Variants in CNTNAP2 observed in about 807,000 individuals in gnomAD.
CNTNAP2 encodes contactin-associated protein-like 2.
Under a neutral mutation model 155.2 loss-of-function variants are expected in CNTNAP2, and 98 were observed. The ratio of observed to expected loss-of-function variants is 0.63; its 90% confidence interval spans 0.54 to 0.75. CNTNAP2 has a LOEUF of 0.75. Ranked by LOEUF, CNTNAP2 falls within the 30% of genes least tolerant of loss-of-function variation. The probability of loss-of-function intolerance (pLI) is 0.00; values close to 1 mark genes in which losing one functional copy is unlikely to be tolerated. For synonymous variants in CNTNAP2, 651 were observed against 631.2 expected (o/e 1.03, Z -0.47); for missense variants, 1,727 against 1,688.1 (o/e 1.02, Z -0.40).
intron 1 of CNTNAP2, among the ~76,000 whole-genome samples, chr7:146,419,111 G>A (rs1546794): frequency 0.036 from 5,404 of 152,070 alleles, 343 homozygotes; most frequent in African/African-American, 0.12. Context: ...AAGAGGTTCG[G>A]TGGACTCAGG....
intron 8 of CNTNAP2, among the ~76,000 whole-genome samples, chr7:147,187,553 C>T (rs1802592025): frequency 6.6e-6 from 1 of 152,018 alleles, no homozygotes; most frequent in Non-Finnish European, 1.5e-5. Flanking sequence ...TAAGTGGGAA[C>T]TAAACATTGG....
chr7:148,099,421 T>TTGTGTGTGTGTGTG (rs35957905), intron 15 of CNTNAP2, among the ~76,000 whole-genome samples: 1,586 of 141,012 alleles, frequency 0.011, 45 homozygotes, highest in East Asian at 0.042. Flanking sequence ...AGCATTGCAA[T>TTGTGTGTGTGTGTG]TGTGTGTGTG....
At chr7:148,382,597 G>T (rs1322035653) in intron 21 of CNTNAP2, among the ~76,000 whole-genome samples, 12 of 152,218 alleles carry the variant, frequency 7.9e-5, no homozygotes, top group Non-Finnish European at 1.5e-4. Context: ...AGAGATGCTG[G>T]AGAAGAACAA....
At chr7:147,268,293 C>A (rs1012872354) in intron 8 of CNTNAP2, among the ~76,000 whole-genome samples, 1 of 152,058 alleles carries the variant, frequency 6.6e-6, no homozygotes, top group African/African-American at 2.4e-5. Context: ...CAGATAATGA[C>A]CAAATTTATA....
At chr7:147,882,950 G>C (rs560406697) in intron 13 of CNTNAP2, among the ~76,000 whole-genome samples, 4 of 152,116 alleles carry the variant, frequency 2.6e-5, no homozygotes, top group African/African-American at 9.7e-5. Flanking sequence ...TTTAAGATTC[G>C]CCTGCTTTTG....
chr7:147,022,540 T>A (rs988363544), intron 3 of CNTNAP2, among the ~76,000 whole-genome samples: 8 of 151,958 alleles, frequency 5.3e-5, no homozygotes, highest in Non-Finnish European at 8.8e-5. Flanking sequence ...GTACTATATA[T>A]GTGTTTATGT....
intron 21 of CNTNAP2, among the ~76,000 whole-genome samples, chr7:148,356,484 C>T (rs1441450499): frequency 6.6e-6 from 1 of 152,218 alleles, no homozygotes; most frequent in South Asian, 2.1e-4. Context: ...GCTCCTGCTC[C>T]TGAGAGCTGG....
At chr7:147,720,861 C>T (rs1796557292) in intron 13 of CNTNAP2, among the ~76,000 whole-genome samples, 1 of 152,024 alleles carries the variant, frequency 6.6e-6, no homozygotes, top group African/African-American at 2.4e-5. Flanking sequence ...GAAAAAAAGA[C>T]TAATACCCTG....
At chr7:147,167,759 C>T (rs1319727496) in intron 8 of CNTNAP2, among the ~76,000 whole-genome samples, 2 of 152,002 alleles carry the variant, frequency 1.3e-5, no homozygotes, top group Non-Finnish European at 1.5e-5. Flanking sequence ...TGAAAAATAC[C>T]TTCATTGTTT....
At chr7:147,015,109 T>C (rs1219121237) in intron 3 of CNTNAP2, among the ~76,000 whole-genome samples, 3 of 152,050 alleles carry the variant, frequency 2.0e-5, no homozygotes, top group African/African-American at 7.2e-5. Context: ...TTTTTCTTTT[T>C]TCCCTCAGAG....
intron 13 of CNTNAP2, among the ~76,000 whole-genome samples, chr7:147,723,332 TATTG>T (rs916770317): frequency 2.2e-4 from 33 of 152,130 alleles, no homozygotes; most frequent in East Asian, 1.9e-3. Context: ...GCCAAATTAA[TATTG>T]ATTCAAAGAA....
intron 9 of CNTNAP2, among the ~76,000 whole-genome samples, chr7:147,308,407 C>G (rs1393551042): frequency 1.3e-5 from 2 of 152,062 alleles, no homozygotes; most frequent in African/African-American, 4.8e-5. Context: ...TGCAGTAATC[C>G]AGATGAAAGA....
At chr7:148,225,121 A>C (rs544697802) in intron 19 of CNTNAP2, among the ~76,000 whole-genome samples, 3 of 152,360 alleles carry the variant, frequency 2.0e-5, no homozygotes, top group Admixed American at 2.0e-4. Context: ...GGGAATAGTC[A>C]TAAAGAATAG....
At chr7:147,551,893 G>T (rs861154) in intron 11 of CNTNAP2, among the ~76,000 whole-genome samples, 65,827 of 151,982 alleles carry the variant, frequency 0.43, 14,556 homozygotes, top group East Asian at 0.6. Flanking sequence ...TAATGGACAA[G>T]AAATTATAAA....
chr7:147,911,831 A>T (rs1170894451), intron 14 of CNTNAP2, among the ~76,000 whole-genome samples: 3 of 152,172 alleles, frequency 2.0e-5, no homozygotes, highest in African/African-American at 7.2e-5. Flanking sequence ...TGGGTAGAAT[A>T]CATTTTGCTT....
intron 14 of CNTNAP2, among the ~76,000 whole-genome samples, chr7:147,906,111 C>T (rs1223234841): frequency 1.3e-5 from 2 of 152,036 alleles, no homozygotes; most frequent in African/African-American, 2.4e-5. Flanking sequence ...GTGCAGTTGA[C>T]AGTTTTGAAA....
intron 18 of CNTNAP2, among the ~76,000 whole-genome samples, chr7:148,189,362 C>T (rs999299262): frequency 6.6e-6 from 1 of 152,116 alleles, no homozygotes; most frequent in Non-Finnish European, 1.5e-5. Context: ...AGGAATAACA[C>T]ACTTAGTAGA....
At chr7:148,061,988 TAG>T (rs1803158863) in intron 15 of CNTNAP2, among the ~76,000 whole-genome samples, 3 of 132,796 alleles carry the variant, frequency 2.3e-5, no homozygotes, top group African/African-American at 3.1e-5. Context: ...GATAGATAGA[TAG>T]ATAGATAGAT....
At chr7:147,714,573 T>C (rs1251907421) in intron 13 of CNTNAP2, among the ~76,000 whole-genome samples, 1 of 152,048 alleles carries the variant, frequency 6.6e-6, no homozygotes, top group Non-Finnish European at 1.5e-5. Flanking sequence ...TGGAGTTTTT[T>C]TGAGTGAATA....
Sources: allele counts gnomAD v4.1 joint callset (sites outside exome capture counted in the v4.1 genomes callset), GRCh38; gene constraint gnomAD v4.1.1; transcripts MANE v1.5; gene names NCBI Gene and HGNC (gene_info 2026-07-23, HGNC 2026-07-21).